The following SLC44A1 variants were observed in gnomAD, a reference collection of about 807,000 sequenced individuals.
SLC44A1 encodes the protein solute carrier family 44 member 1.
A neutral mutation model predicts 79.3 loss-of-function variants in SLC44A1; 26 were observed. The ratio of observed to expected loss-of-function variants is 0.33; its 90% CI spans 0.24 to 0.46. The LOEUF is 0.46. Ranked by LOEUF, SLC44A1 falls within the 20% of genes least tolerant of loss-of-function variation. The pLI, the probability that SLC44A1 is intolerant of heterozygous loss-of-function variation, is 1.00. For synonymous variants in SLC44A1, 263 were observed against 286.2 expected (o/e 0.92, Z 0.82); for missense variants, 688 against 798.1 (o/e 0.86, Z 1.66).
intron 4 of SLC44A1, among the ~76,000 whole-genome samples, chr9:105,344,916 A>G (rs146338486): frequency 9.9e-5 from 15 of 152,186 alleles, no homozygotes; most frequent in Non-Finnish European, 2.2e-4. Context: ...TTCTGCTCAG[A>G]CGTCAACACT....
chr9:105,370,737 T>G (rs1158649800), intron 12 of SLC44A1, among the ~76,000 whole-genome samples: 1 of 152,182 alleles, frequency 6.6e-6, no homozygotes. Context: ...GACGTGTGGG[T>G]CCTTTCTTGC....
Position 105,396,454 on chromosome 9 carries a change from G to A in SLC44A1, c.*7398G>A, listed in dbSNP as rs1354646446. The A allele has an allele frequency of 2.3e-5, 23 of 985,300 alleles. No individual in the cohort carries two copies. The highest frequency in any genetic ancestry group is 2.8e-5 in the Non-Finnish European group (23 of 829,926). The allele number at this position is 985,300 out of a possible 1,614,324, so 61.0% of individuals were successfully genotyped here. On this transcript the variant is annotated 3_prime_UTR_variant, in exon 16 of 16. Transcript: ENST00000374720. Reference sequence around the variant, plus strand: ...AAAGGTCCAACTTTACTTACTGGCTGGCACAGCCTTTCTGAACTCCTTGAG... The same window carrying A: ...AAAGGTCCAACTTTACTTACTGGCTAGCACAGCCTTTCTGAACTCCTTGAG...
At chr9:105,280,711 T>G (rs776407523) in intron 1 of SLC44A1, among the ~76,000 whole-genome samples, 13 of 152,172 alleles carry the variant, frequency 8.5e-5, no homozygotes, top group Non-Finnish European at 1.6e-4. Context: ...AAAAACAAAT[T>G]GGGTAACAAA....
chr9:105,268,407 G>A (rs1368603477), intron 1 of SLC44A1, among the ~76,000 whole-genome samples: 5 of 152,074 alleles, frequency 3.3e-5, no homozygotes, highest in Non-Finnish European at 7.3e-5. Context: ...GTGGAGTTTT[G>A]GAAGGGAGCC....
rs1178386950 is a variant in SLC44A1, at chr9:105,367,166, T to TA, written c.1494+742dup. Among the ~76,000 whole-genome samples the TA allele has an allele frequency of 7.9e-5, 12 of 152,280 alleles. No individual in the cohort carries two copies. The East Asian group carries it at 2.3e-3, about 29-fold the overall frequency. Reference sequence around the variant, plus strand: ...TTTTTTAAGTTACTTTTCCATTCCCTAAAAATCAATTCTAATGTATTAATG... The same window carrying TA: ...TTTTTTAAGTTACTTTTCCATTCCCTAAAAAATCAATTCTAATGTATTAATG... On this transcript the variant is annotated intron_variant, in intron 12 of 15. Coordinates refer to ENST00000374720, the MANE Select transcript of SLC44A1 (RefSeq NM_080546.5).
At position 105,396,998 on chromosome 9, in the gene SLC44A1, G is replaced by A; in HGVS notation, c.*7942G>A. The A allele has an allele frequency of 1.0e-6, 1 of 985,298 alleles. No homozygotes were observed. The highest frequency in any genetic ancestry group is 1.2e-6 in the Non-Finnish European group (1 of 829,846). The allele number at this position is 985,298 out of a possible 1,614,324, so 61.0% of individuals were successfully genotyped here. A position where few individuals can be genotyped will look rare whatever the true frequency, so the allele number is the denominator to read the frequency against. On this transcript the variant is annotated 3_prime_UTR_variant, in exon 16 of 16. Coordinates refer to ENST00000374720, the MANE Select transcript of SLC44A1 (RefSeq NM_080546.5). ...TTGTGACGGTCATTATTGACACAGT[G>A]CAGACTTTGCAGATGGAGCATTATG... is the stretch of plus-strand genomic sequence containing the variant.
chr9:105,377,519 G>A (rs1313424401), intron 13 of SLC44A1, among the ~76,000 whole-genome samples: 1 of 152,026 alleles, frequency 6.6e-6, no homozygotes, highest in Non-Finnish European at 1.5e-5. Flanking sequence ...GGGAGGCCAA[G>A]GCGGGCAGAT....
At chr9:105,296,307 C>T (rs955421832) in intron 1 of SLC44A1, among the ~76,000 whole-genome samples, 2 of 152,188 alleles carry the variant, frequency 1.3e-5, no homozygotes, top group Admixed American at 1.3e-4. Context: ...CCTACCCTCT[C>T]TCCACTTCTC....
At chr9:105,417,354 G>A (rs988584707) in intron 15 of SLC44A1, among the ~76,000 whole-genome samples, 4 of 152,142 alleles carry the variant, frequency 2.6e-5, no homozygotes, top group Non-Finnish European at 5.9e-5. Context: ...ACATGATCAG[G>A]ACCTTCCCTC....
chr9:105,246,713 G>A (rs906431206), intron 1 of SLC44A1, among the ~76,000 whole-genome samples: 1 of 152,118 alleles, frequency 6.6e-6, no homozygotes, highest in Non-Finnish European at 1.5e-5. Flanking sequence ...CCTTTTGGTG[G>A]TGAAATGCCT....
Position 105,390,921 on chromosome 9 carries a change from C to A in SLC44A1, c.*1865C>A, listed in dbSNP as rs1353412121. 1 of 979,442 alleles carries A rather than the reference C, an allele frequency of 1.0e-6. No individual in the cohort carries two copies. The highest frequency in any genetic ancestry group is 1.1e-4 in the East Asian group (1 of 8,808). The allele number at this position is 979,442 out of a possible 1,614,324, so 60.7% of individuals were successfully genotyped here. A position where few individuals can be genotyped will look rare whatever the true frequency, so the allele number is the denominator to read the frequency against. On this transcript the variant is annotated 3_prime_UTR_variant, in exon 16 of 16. Transcript: ENST00000374720. ...AGTATCACCAAACAGTATCGCTGTTCTCTTTTATTCATTTGAAATGAATAT... is the reference window on the plus strand; with the variant it reads ...AGTATCACCAAACAGTATCGCTGTTATCTTTTATTCATTTGAAATGAATAT...
intron 1 of SLC44A1, among the ~76,000 whole-genome samples, chr9:105,291,601 A>C (rs1393786063): frequency 3.9e-5 from 6 of 152,202 alleles, no homozygotes; most frequent in Non-Finnish European, 5.9e-5. Flanking sequence ...TCAACAAATT[A>C]CCCAATTCAA....
At chr9:105,335,749 G>C in intron 4 of SLC44A1, 50 bp downstream of exon 4, 1 of 1,549,410 alleles carries the variant, frequency 6.5e-7, no homozygotes. Context: ...TGTTCTCTTT[G>C]TTAAATATAA....
At chr9:105,253,515 G>T (rs1829634724) in intron 1 of SLC44A1, among the ~76,000 whole-genome samples, 1 of 152,114 alleles carries the variant, frequency 6.6e-6, no homozygotes, top group African/African-American at 2.4e-5. Flanking sequence ...ATTACTTGAA[G>T]CCAGGAGTTC....
At chr9:105,381,021 A>G (rs1018460890) in intron 13 of SLC44A1, among the ~76,000 whole-genome samples, 10 of 152,224 alleles carry the variant, frequency 6.6e-5, no homozygotes, top group Non-Finnish European at 1.3e-4. Context: ...TACCTCCTGC[A>G]TGAGAATATC....
At chr9:105,421,581 T>TA (rs1339560975) in intron 15 of SLC44A1, among the ~76,000 whole-genome samples, 2 of 146,932 alleles carry the variant, frequency 1.4e-5, no homozygotes, top group African/African-American at 2.5e-5. Context: ...TTCAGAAATC[T>TA]CTTTTTTTTT....
chr9:105,294,112 A>G (rs985447503), intron 1 of SLC44A1, among the ~76,000 whole-genome samples: 1 of 152,214 alleles, frequency 6.6e-6, no homozygotes. Flanking sequence ...AGAAATTGTA[A>G]TTCTGCCTTC....
At chr9:105,357,928 G>A (rs905625782) in intron 6 of SLC44A1, among the ~76,000 whole-genome samples, 7 of 152,194 alleles carry the variant, frequency 4.6e-5, no homozygotes, top group Admixed American at 6.5e-5. Flanking sequence ...TCAATAAAGC[G>A]TAGCTCCTAA....
At chr9:105,245,662 G>A (rs1011745720) in intron 1 of SLC44A1, among the ~76,000 whole-genome samples, 1 of 152,266 alleles carries the variant, frequency 6.6e-6, no homozygotes, top group Non-Finnish European at 1.5e-5. Flanking sequence ...TTTGTTGCCA[G>A]TGTAACAGGA....
Sources: gnomAD v4.1 joint callset for allele counts (sites outside exome capture counted in the v4.1 genomes callset) on GRCh38, gnomAD v4.1.1 for gene constraint, MANE v1.5 for transcripts, NCBI Gene and HGNC (gene_info 2026-07-23, HGNC 2026-07-21) for gene names.